The following CD38 variants were observed in gnomAD, a reference collection of about 807,000 sequenced individuals.
CD38 encodes the protein ADP-ribosyl cyclase/cyclic ADP-ribose hydrolase 1.
Under a neutral mutation model 36.3 loss-of-function variants are expected in CD38, and 31 were observed. That is an observed-to-expected ratio of 0.85 (90% CI 0.64 to 1.15). CD38 has a LOEUF of 1.15. Ranked by LOEUF, CD38 falls within the 50% of genes most tolerant of loss-of-function variation. The probability of loss-of-function intolerance (pLI) is 0.00; values close to 1 mark genes in which losing one functional copy is unlikely to be tolerated. For missense variants in CD38, 380 were observed against 371.9 expected, an observed-to-expected ratio of 1.02 and a Z score of -0.18; for synonymous variants, 131 against 135.2, an observed-to-expected ratio of 0.97 and a Z score of 0.22.
rs78988986 is a variant in CD38 at position 15,778,437 on chromosome 4, C to T, written c.23C>T (p.Pro8Leu). Residue 8 changes from proline to leucine, a missense_variant, in exon 1 of 8, where the codon CCG (proline) becomes CTG (leucine). Pro to Leu is a moderately conservative substitution (Grantham distance 98). Coordinates refer to ENST00000226279, the MANE Select transcript of CD38 (RefSeq NM_001775.4). This position sits in a 1 kb window ranked among gnomAD's most constrained non-coding sequence, Gnocchi z 4.9. ...CCTATGGCCAACTGCGAGTTCAGCC[C>T]GGTGTCCGGGGACAAACCCTGCTGC... MANCEFS[P>L]VSGDKPCCRL... 6.7e-4 allele frequency: 1,082 copies of T among 1,613,904 alleles called. 2 individuals carry two copies. Among genetic ancestry groups the T allele is most frequent in the South Asian group, 9.6e-4 (87 of 91,070 alleles).
chr4:15,787,096 C>A (rs6858514), intron 1 of CD38, among the ~76,000 whole-genome samples: 65,082 of 152,092 alleles, frequency 0.43, 16,038 homozygotes, highest in African/African-American at 0.69. Context: ...CTCTCTACAC[C>A]TCCGCTCAAG....
chr4:15,848,173 A>T (rs898523185), intron 7 of CD38, among the ~76,000 whole-genome samples: 1 of 152,200 alleles, frequency 6.6e-6, no homozygotes, highest in African/African-American at 2.4e-5. Context: ...CCTGTTAGGT[A>T]CTTATCTAAG....
chr4:15,790,318 G>T (rs1215112211), intron 1 of CD38, among the ~76,000 whole-genome samples: 1 of 150,572 alleles, frequency 6.6e-6, no homozygotes, highest in African/African-American at 2.5e-5. Flanking sequence ...GAGTGCCTGC[G>T]CACGCCGCCA....
intron 4 of CD38, among the ~76,000 whole-genome samples, chr4:15,835,382 T>C (rs1004773551): frequency 0.02 from 2,469 of 121,808 alleles, 85 homozygotes; most frequent in African/African-American, 0.087. Flanking sequence ...TTTTTTTTTT[T>C]TTTTTTTTTT....
intron 1 of CD38, among the ~76,000 whole-genome samples, chr4:15,807,861 G>C (rs1434138433): frequency 6.6e-6 from 1 of 152,206 alleles, no homozygotes; most frequent in Non-Finnish European, 1.5e-5. Context: ...CGTGAGGCAT[G>C]ATTCCCTGGA....
chr4:15,794,445 T>G (rs746927160), intron 1 of CD38, among the ~76,000 whole-genome samples: 1 of 152,056 alleles, frequency 6.6e-6, no homozygotes, highest in Non-Finnish European at 1.5e-5. Context: ...AGATATAAAT[T>G]TGGAAATCAA....
At chr4:15,782,426 T>C (rs1722719469) in intron 1 of CD38, among the ~76,000 whole-genome samples, 1 of 152,254 alleles carries the variant, frequency 6.6e-6, no homozygotes, top group African/African-American at 2.4e-5. Context: ...CTTATTTTAT[T>C]ACCTTTTATC....
chr4:15,832,980 G>T (rs891691711), intron 3 of CD38, among the ~76,000 whole-genome samples: 5 of 152,254 alleles, frequency 3.3e-5, no homozygotes, highest in African/African-American at 1.2e-4. Flanking sequence ...CTTTTCTAAG[G>T]CAAAGGAGCC....
At chr4:15,791,375 C>T (rs1722983746) in intron 1 of CD38, among the ~76,000 whole-genome samples, 1 of 40,404 alleles carries the variant, frequency 2.5e-5, no homozygotes, top group Non-Finnish European at 4.3e-5. Flanking sequence ...CCCGCCCGGC[C>T]GGCCGCCCCG....
At position 15,841,966 on chromosome 4, in the gene CD38, G is replaced by A. The variant is rs1294934605; in HGVS notation, c.839+1428G>A. Among the ~76,000 whole-genome samples, 32 of 138,322 alleles carry A rather than the reference G, an allele frequency of 2.3e-4. No individual in the cohort carries two copies. The East Asian group carries it at 6.1e-3, about 26-fold the overall frequency. 90.7% of individuals were successfully genotyped at this position (138,322 alleles called of 152,430 possible). On this transcript the variant is annotated intron_variant, in intron 7 of 7. Transcript: ENST00000226279. ...GCAGTCTGAGATCAAACTGCAAGGC[G>A]GCAACGAGGCTGGGGGAGGGGCGCC...
chr4:15,837,494 G>A (rs961431680), intron 4 of CD38, among the ~76,000 whole-genome samples: 9 of 152,180 alleles, frequency 5.9e-5, no homozygotes, highest in Non-Finnish European at 7.3e-5. Flanking sequence ...CCTGGAGGGA[G>A]CATATAGAAC....
At chr4:15,804,288 T>C (rs1333811751) in intron 1 of CD38, among the ~76,000 whole-genome samples, 1 of 152,198 alleles carries the variant, frequency 6.6e-6, no homozygotes, top group African/African-American at 2.4e-5. Context: ...ACCAACAGTG[T>C]ATAAGCGACA....
chr4:15,804,717 G>T lies in CD38; in HGVS notation c.234-11794G>T, dbSNP rs78037656. ...TCACTTACATGTGGGAGCTAAAAAA[G>T]TTGATCTCAGAGAAGTAGAGAGTAG... is the stretch of plus-strand genomic sequence containing the variant. On this transcript the variant is annotated intron_variant, in intron 1 of 7. Transcript: ENST00000226279. 5.1e-3 allele frequency among the ~76,000 whole-genome samples: 773 copies of T among 152,228 alleles called. 5 individuals carry two copies. Among genetic ancestry groups the T allele is most frequent in the African/African-American group, 0.018 (735 of 41,548 alleles).
At chr4:15,806,117 C>T (rs1003423523) in intron 1 of CD38, among the ~76,000 whole-genome samples, 1 of 152,160 alleles carries the variant, frequency 6.6e-6, no homozygotes, top group African/African-American at 2.4e-5. Context: ...AGCTGTGACA[C>T]CTGAAGTAGG....
intron 2 of CD38, 164 bp downstream of exon 2, chr4:15,816,804 A>T: frequency 1.4e-6 from 1 of 716,050 alleles, no homozygotes; most frequent in South Asian, 1.6e-5. Flanking sequence ...AGGGGCCATG[A>T]TATAATTAAG....
chr4:15,787,194 G>A (rs1722857141), intron 1 of CD38, among the ~76,000 whole-genome samples: 1 of 152,280 alleles, frequency 6.6e-6, no homozygotes, highest in South Asian at 2.1e-4. Context: ...AGCACGGCCA[G>A]AGTGGGCGCG....
chr4:15,788,953 G>A (rs924071403), intron 1 of CD38, among the ~76,000 whole-genome samples: 4 of 152,120 alleles, frequency 2.6e-5, no homozygotes, highest in African/African-American at 9.7e-5. Flanking sequence ...ATACTTAACA[G>A]AAAAGATCTC....
At chr4:15,795,521 T>G in intron 1 of CD38, among the ~76,000 whole-genome samples, 1 of 152,006 alleles carries the variant, frequency 6.6e-6, no homozygotes, top group East Asian at 1.9e-4. Flanking sequence ...TGAAGAATAT[T>G]TGGATGAATA....
intron 3 of CD38, among the ~76,000 whole-genome samples, chr4:15,831,371 T>A (rs1253065420): frequency 6.6e-6 from 1 of 152,194 alleles, no homozygotes; most frequent in East Asian, 1.9e-4. Flanking sequence ...CTACTGCCAG[T>A]GAGTTTTGTA....
Sources: gnomAD v4.1 joint callset for allele counts (sites outside exome capture counted in the v4.1 genomes callset) on GRCh38, gnomAD v4.1.1 for gene constraint, Gnocchi (gnomAD v3.1) non-coding constraint, MANE v1.5 for transcripts, NCBI Gene and HGNC (gene_info 2026-07-23, HGNC 2026-07-21) for gene names.